Variants in TYW1 observed in about 807,000 individuals in gnomAD.
TYW1 encodes tRNA-yW synthesizing protein 1 homolog, also known as S-adenosyl-L-methionine-dependent tRNA 4-demethylwyosine synthase TYW1.
Under a neutral mutation model 96.2 loss-of-function variants are expected in TYW1, and 46 were observed. The ratio of observed to expected loss-of-function variants is 0.48; its 90% CI spans 0.38 to 0.61. The LOEUF (loss-of-function observed/expected upper bound fraction) is 0.61. Ranked by LOEUF, TYW1 falls within the 20% of genes least tolerant of loss-of-function variation. The probability of loss-of-function intolerance (pLI) is 0.00; values close to 1 mark genes in which losing one functional copy is unlikely to be tolerated. For synonymous variants in TYW1, 274 were observed against 323.0 expected (o/e 0.85, Z 1.63); for missense variants, 684 against 909.6 (o/e 0.75, Z 3.19).
chr7:67,012,632 C>G (rs1328886211), intron 4 of TYW1, among the ~76,000 whole-genome samples: 1 of 152,140 alleles, frequency 6.6e-6, no homozygotes, highest in Non-Finnish European at 1.5e-5. Flanking sequence ...TTGAGAATCC[C>G]TGAACCGCAA....
intron 13 of TYW1, among the ~76,000 whole-genome samples, chr7:67,126,702 A>G (rs368210558): frequency 1.3e-5 from 2 of 151,598 alleles, no homozygotes; most frequent in African/African-American, 4.9e-5. Context: ...TTCCAGCACT[A>G]TTTGTTGAAA....
At chr7:67,010,243 C>T (rs757925511) in intron 4 of TYW1, among the ~76,000 whole-genome samples, 21 of 151,970 alleles carry the variant, frequency 1.4e-4, no homozygotes, top group Non-Finnish European at 2.2e-4. Flanking sequence ...GTGATCTGCC[C>T]GCCTTGGCCT....
chr7:67,062,409 G>GA (rs147475933), intron 9 of TYW1, among the ~76,000 whole-genome samples: 12 of 142,796 alleles, frequency 8.4e-5, no homozygotes, highest in South Asian at 2.2e-4. Context: ...TGTCTTAAAA[G>GA]AAAAAAAAAA....
intron 6 of TYW1, among the ~76,000 whole-genome samples, chr7:67,023,005 C>T (rs1283108333): frequency 1.3e-5 from 2 of 152,166 alleles, no homozygotes; most frequent in Non-Finnish European, 2.9e-5. Flanking sequence ...TTATCAGCAG[C>T]ATCTGATTAT....
intron 8 of TYW1, among the ~76,000 whole-genome samples, chr7:67,050,420 T>C (rs1290278603): frequency 6.6e-6 from 1 of 152,216 alleles, no homozygotes; most frequent in African/African-American, 2.4e-5. Context: ...TTTGTGGTCT[T>C]ACCTTATTAA....
At chr7:67,158,593 G>A (rs1384074734) in intron 13 of TYW1, among the ~76,000 whole-genome samples, 5 of 151,754 alleles carry the variant, frequency 3.3e-5, no homozygotes, top group African/African-American at 9.7e-5. Context: ...TTCTGGAGAC[G>A]GAGTCTTGCT....
chr7:67,141,736 T>A (rs1452952808), intron 13 of TYW1, among the ~76,000 whole-genome samples: 1 of 152,202 alleles, frequency 6.6e-6, no homozygotes, highest in Non-Finnish European at 1.5e-5. Flanking sequence ...CTAATTGGAA[T>A]TAAATGATAA....
At chr7:67,103,968 G>A (rs973883368) in intron 12 of TYW1, among the ~76,000 whole-genome samples, 25 of 152,044 alleles carry the variant, frequency 1.6e-4, no homozygotes, top group Admixed American at 7.2e-4. Flanking sequence ...ACACACACTA[G>A]GAAGTAATAA....
At chr7:67,056,661 A>G (rs1351397570) in intron 9 of TYW1, among the ~76,000 whole-genome samples, 2 of 152,170 alleles carry the variant, frequency 1.3e-5, no homozygotes, top group African/African-American at 2.4e-5. Context: ...CATTGTATGA[A>G]TATACCAGTT....
At chr7:67,212,218 T>G (rs1405641354) in intron 15 of TYW1, among the ~76,000 whole-genome samples, 1 of 151,952 alleles carries the variant, frequency 6.6e-6, no homozygotes, top group African/African-American at 2.4e-5. Flanking sequence ...AAGTATATAC[T>G]ATGTAGTTTT....
chr7:67,161,139 C>T (rs1277951553), intron 13 of TYW1, among the ~76,000 whole-genome samples: 1 of 152,150 alleles, frequency 6.6e-6, no homozygotes, highest in Admixed American at 6.5e-5. Context: ...TTATAGTAAG[C>T]CTTGTTTTCT....
At chr7:67,025,935 TA>T (rs1020914129) in intron 7 of TYW1, among the ~76,000 whole-genome samples, 26 of 151,942 alleles carry the variant, frequency 1.7e-4, no homozygotes, top group African/African-American at 6.3e-4. Flanking sequence ...ATGAACTCAG[TA>T]AGGTTAGCAG....
intron 11 of TYW1, among the ~76,000 whole-genome samples, chr7:67,093,174 AAAT>A (rs1448783486): frequency 1.3e-5 from 2 of 152,184 alleles, no homozygotes; most frequent in African/African-American, 2.4e-5. Context: ...TAAAAAAAAG[AAAT>A]AATAATAATT....
chr7:67,160,666 A>G (rs1201941802), intron 13 of TYW1, among the ~76,000 whole-genome samples: 6 of 149,776 alleles, frequency 4.0e-5, no homozygotes, highest in Non-Finnish European at 7.4e-5. Flanking sequence ...ATTTCGGCTC[A>G]CTACCACCTC....
At chr7:67,182,957 T>G (rs991713510) in intron 13 of TYW1, among the ~76,000 whole-genome samples, 169 bp from the exon 14 acceptor site, 2 of 151,384 alleles carry the variant, frequency 1.3e-5, no homozygotes, top group African/African-American at 4.9e-5. Context: ...AGAATCATAG[T>G]GTTTATTTTT....
chr7:67,122,780 C>T (rs1464910191), intron 13 of TYW1, among the ~76,000 whole-genome samples: 1 of 152,104 alleles, frequency 6.6e-6, no homozygotes, highest in African/African-American at 2.4e-5. Context: ...GTGTGATGTC[C>T]CTGCATCCTT....
At chr7:67,149,686 T>G (rs911421197) in intron 13 of TYW1, among the ~76,000 whole-genome samples, 2 of 149,462 alleles carry the variant, frequency 1.3e-5, no homozygotes, top group African/African-American at 5.0e-5. Flanking sequence ...ATGTGATATT[T>G]TTCTAGCTTT....
intron 15 of TYW1, among the ~76,000 whole-genome samples, chr7:67,229,157 G>C (rs1173231508): frequency 6.6e-6 from 1 of 152,186 alleles, no homozygotes; most frequent in Non-Finnish European, 1.5e-5. Context: ...TGCTGTACTT[G>C]AGTAGAGAAA....
At chr7:67,045,684 C>T (rs892172980) in intron 7 of TYW1, among the ~76,000 whole-genome samples, 1 of 152,176 alleles carries the variant, frequency 6.6e-6, no homozygotes, top group Non-Finnish European at 1.5e-5. Context: ...AATTGCCTTT[C>T]CTGGTTGCAT....
Sources: gnomAD v4.1 joint callset for allele counts (sites outside exome capture counted in the v4.1 genomes callset) on GRCh38, gnomAD v4.1.1 for gene constraint, MANE v1.5 for transcripts, NCBI Gene and HGNC (gene_info 2026-07-23, HGNC 2026-07-21) for gene names.